TMCO5A: variants seen among roughly 807,000 people sequenced by gnomAD.
TMCO5A encodes transmembrane and coiled-coil domain-containing protein 5A.
TMCO5A carries 34 observed loss-of-function variants against 42.3 expected under a neutral mutation model. The observed-to-expected ratio is 0.80, with a 90% CI of 0.61 to 1.07. TMCO5A has a LOEUF of 1.07. Ranked by LOEUF, TMCO5A falls within the 50% of genes least tolerant of loss-of-function variation. TMCO5A has a pLI of 0.00. For synonymous variants in TMCO5A, 131 were observed against 115.6 expected, an observed-to-expected ratio of 1.13 and a Z score of -0.86; for missense variants, 357 against 327.9, an observed-to-expected ratio of 1.09 and a Z score of -0.69.
At chr15:37,983,209 T>C in the TMCO5A span, among the ~76,000 whole-genome samples, 1 of 152,180 alleles carries the variant, frequency 6.6e-6, no homozygotes, top group Non-Finnish European at 1.5e-5. Context: ...TAATGTTCCA[T>C]TTATGGGCAC....
chr15:38,038,922 T>A, the TMCO5A span, among the ~76,000 whole-genome samples: 2 of 152,176 alleles, frequency 1.3e-5, no homozygotes, highest in African/African-American at 4.8e-5. Context: ...TGCTTGAAAT[T>A]AAAGTCAGAT....
the TMCO5A span, chr15:38,025,160 T>TGG: frequency 3.4e-5 from 3 of 87,372 alleles, no homozygotes; most frequent in African/African-American, 4.8e-5. Flanking sequence ...CCACAGCTTT[T>TGG]GGGTGTGTGT....
chr15:38,012,188 C>T, the TMCO5A span, among the ~76,000 whole-genome samples: 21 of 152,128 alleles, frequency 1.4e-4, no homozygotes, highest in African/African-American at 4.8e-4. Context: ...TCATAGATTT[C>T]CTTGCATTTG....
At position 37,938,175 on chromosome 15, in the gene TMCO5A, A is replaced by G. The variant is rs537791614; in HGVS notation, c.333A>G (p.Gln111=). ...AACTATAGCTTACAAGGAAATCACA[A>G]AAGATAACCAATTGTGAACAAAGCA... ...ELQQKLTRKS[Q]KITNCEQSSP... is the part of the protein sequence containing the mutation. Residue 111 remains glutamine, a synonymous_variant, in exon 6 of 12, where the codon CAA becomes CAG. Coordinates refer to ENST00000319669, the MANE Select transcript of TMCO5A (RefSeq NM_152453.4). 15 of 1,580,020 alleles carry G rather than the reference A, an allele frequency of 9.5e-6. No homozygotes were observed. The highest frequency in any genetic ancestry group is 5.4e-5 in the African/African-American group (4 of 73,442).
chr15:38,007,882 T>G, the TMCO5A span, among the ~76,000 whole-genome samples: 107 of 52,026 alleles, frequency 2.1e-3, no homozygotes, highest in African/African-American at 6.1e-3. Context: ...CTTTTTTTTT[T>G]TTTTTTTTTT....
chr15:37,966,514 C>T, intron 11 of TMCO5A: 1 of 697,560 alleles, frequency 1.4e-6, no homozygotes, highest in Admixed American at 2.0e-5. Flanking sequence ...CTACTATGTA[C>T]CCACAAAATT....
chr15:37,986,814 G>A, the TMCO5A span, among the ~76,000 whole-genome samples: 4 of 151,798 alleles, frequency 2.6e-5, no homozygotes, highest in Admixed American at 2.6e-4. Flanking sequence ...ATCTGTTAAT[G>A]GACACTTATG....
At chr15:38,025,491 G>T in the TMCO5A span, among the ~76,000 whole-genome samples, 1 of 151,952 alleles carries the variant, frequency 6.6e-6, no homozygotes, top group African/African-American at 2.4e-5. Context: ...GTTATCTAGA[G>T]TTCTAAATTT....
chr15:37,974,827 GTGTTA>G, the TMCO5A span, among the ~76,000 whole-genome samples: 1 of 152,004 alleles, frequency 6.6e-6, no homozygotes, highest in African/African-American at 2.4e-5. Context: ...GTTACTCTAG[GTGTTA>G]TGTTAGTTGC....
the TMCO5A span, among the ~76,000 whole-genome samples, chr15:38,017,138 T>C: frequency 2.0e-5 from 3 of 152,124 alleles, no homozygotes; most frequent in Admixed American, 6.6e-5. Context: ...CTAATAAATA[T>C]ACAGCACCTG....
chr15:37,956,954 T>G (rs147616280), intron 11 of TMCO5A, among the ~76,000 whole-genome samples: 2,432 of 152,080 alleles, frequency 0.016, 70 homozygotes, highest in African/African-American at 0.055. Flanking sequence ...ATCAATAAAC[T>G]TAATCCATCA....
At chr15:38,007,384 C>T in the TMCO5A span, among the ~76,000 whole-genome samples, 1 of 152,168 alleles carries the variant, frequency 6.6e-6, no homozygotes, top group African/African-American at 2.4e-5. Context: ...GGAAGCTCTT[C>T]AGAATACTTC....
downstream of TMCO5A, among the ~76,000 whole-genome samples, chr15:37,955,284 G>C (rs1419841107): frequency 2.3e-5 from 3 of 132,488 alleles, no homozygotes; most frequent in African/African-American, 5.7e-5. Context: ...AACTTAACAA[G>C]ATTGAACCAT....
At chr15:38,023,167 T>C in the TMCO5A span, among the ~76,000 whole-genome samples, 2 of 152,138 alleles carry the variant, frequency 1.3e-5, no homozygotes, top group African/African-American at 4.8e-5. Flanking sequence ...CGAAGCAGTG[T>C]GGCACAGTAA....
intron 11 of TMCO5A, among the ~76,000 whole-genome samples, chr15:37,957,962 C>A (rs1356008793): frequency 6.6e-6 from 1 of 152,112 alleles, no homozygotes; most frequent in Non-Finnish European, 1.5e-5. Context: ...TGATCTTTGA[C>A]AAACCTGACA....
chr15:38,005,843 A>G, the TMCO5A span, among the ~76,000 whole-genome samples: 1 of 152,242 alleles, frequency 6.6e-6, no homozygotes, highest in Non-Finnish European at 1.5e-5. Flanking sequence ...CCTGTGCAGC[A>G]GGGATGCAGC....
chr15:38,033,506 C>T, the TMCO5A span, among the ~76,000 whole-genome samples: 8 of 151,988 alleles, frequency 5.3e-5, no homozygotes, highest in Admixed American at 5.2e-4. Context: ...ACAAAATAGC[C>T]TTTCTCTGAA....
chr15:37,980,691 G>A, the TMCO5A span, among the ~76,000 whole-genome samples: 1 of 149,740 alleles, frequency 6.7e-6, no homozygotes, highest in Non-Finnish European at 1.5e-5. Context: ...TACACTGAAT[G>A]GCAGTGGAAC....
intron 2 of TMCO5A, chr15:37,936,015 C>T (rs2937983): frequency 1 from 202,883 of 203,084 alleles, 101,342 homozygotes; most frequent in Non-Finnish European, 1. Context: ...ACATTTCTCC[C>T]CAGCGCAAGG....
Sources: allele counts gnomAD v4.1 joint callset (sites outside exome capture counted in the v4.1 genomes callset), GRCh38; gene constraint gnomAD v4.1.1; transcripts MANE v1.5; gene names NCBI Gene and HGNC (gene_info 2026-07-23, HGNC 2026-07-21).